Variants in PARN observed in about 807,000 individuals in gnomAD.
The protein encoded by PARN is poly(A)-specific ribonuclease PARN.
Under a neutral mutation model 102.8 loss-of-function variants are expected in PARN, and 71 were observed. The observed-to-expected ratio is 0.69, with a 90% confidence interval of 0.57 to 0.84. The LOEUF is 0.84. Ranked by LOEUF, PARN falls within the 40% of genes least tolerant of loss-of-function variation. The pLI, the probability that PARN is intolerant of heterozygous loss-of-function variation, is 0.00. For synonymous variants in PARN, 261 were observed against 252.9 expected (o/e 1.03, Z -0.30); for missense variants, 782 against 760.9 (o/e 1.03, Z -0.33).
intron 9 of PARN, among the ~76,000 whole-genome samples, chr16:14,606,972 G>A (rs186521360): frequency 1.0e-3 from 154 of 151,860 alleles, no homozygotes; most frequent in Admixed American, 1.6e-3. Context: ...TAGTAGAAAC[G>A]GGGTTTCACC....
intron 10 of PARN, among the ~76,000 whole-genome samples, chr16:14,605,727 A>C (rs1971136559): frequency 6.6e-6 from 1 of 152,144 alleles, no homozygotes. Flanking sequence ...CTGCAGAAGG[A>C]ACCCACCACT....
chr16:14,515,329 T>C (rs1407399145), intron 21 of PARN, among the ~76,000 whole-genome samples: 1 of 152,116 alleles, frequency 6.6e-6, no homozygotes, highest in Non-Finnish European at 1.5e-5. Flanking sequence ...CCACCTCAGG[T>C]AGCAAATTCT....
chr16:14,534,221 G>GAAA (rs1214382920), intron 21 of PARN, among the ~76,000 whole-genome samples: 10 of 59,384 alleles, frequency 1.7e-4, no homozygotes, highest in African/African-American at 6.1e-4. Flanking sequence ...CCCTGTCTCA[G>GAAA]AAAAAAAAAA....
At chr16:14,460,752 T>C (rs1019613733) in intron 22 of PARN, among the ~76,000 whole-genome samples, 1 of 152,230 alleles carries the variant, frequency 6.6e-6, no homozygotes, top group African/African-American at 2.4e-5. Context: ...CTTATGTCTA[T>C]ATAATGATAT....
chr16:14,626,684 T>C (rs1972691466), intron 5 of PARN, among the ~76,000 whole-genome samples: 1 of 151,746 alleles, frequency 6.6e-6, no homozygotes, highest in Non-Finnish European at 1.5e-5. Context: ...TGATCTCGGC[T>C]CACTGCAACC....
chr16:14,613,712 C>A (rs117321360), intron 6 of PARN, among the ~76,000 whole-genome samples: 1 of 152,132 alleles, frequency 6.6e-6, no homozygotes, highest in Non-Finnish European at 1.5e-5. Context: ...ACGATAATTG[C>A]TTAAAGCAAG....
chr16:14,612,924 T>C (rs1199274202), intron 6 of PARN, among the ~76,000 whole-genome samples: 1 of 150,036 alleles, frequency 6.7e-6, no homozygotes, highest in Non-Finnish European at 1.5e-5. Context: ...TCTAAGGGAA[T>C]ACACAAATTA....
chr16:14,448,879 C>T (rs1211964132), intron 22 of PARN, among the ~76,000 whole-genome samples: 1 of 152,110 alleles, frequency 6.6e-6, no homozygotes, highest in Non-Finnish European at 1.5e-5. Context: ...AATTGAGGGA[C>T]TATAAGGGAG....
intron 18 of PARN, among the ~76,000 whole-genome samples, chr16:14,575,863 C>A (rs1042431915): frequency 2.0e-5 from 3 of 152,152 alleles, no homozygotes; most frequent in African/African-American, 7.2e-5. Flanking sequence ...GTAGGAGGAA[C>A]CCGGTGGGAG....
intron 22 of PARN, among the ~76,000 whole-genome samples, chr16:14,464,804 A>G (rs1962225933): frequency 6.6e-6 from 1 of 152,102 alleles, no homozygotes; most frequent in South Asian, 2.1e-4. Context: ...ATTTTTATAC[A>G]TACAAAAGAA....
intron 5 of PARN, among the ~76,000 whole-genome samples, chr16:14,623,346 T>C (rs1972438131): frequency 6.6e-6 from 1 of 151,594 alleles, no homozygotes; most frequent in Non-Finnish European, 1.5e-5. Flanking sequence ...AAACCCCGTC[T>C]CTACTAAAAA....
chr16:14,481,304 A>G (rs1434561470), intron 22 of PARN, among the ~76,000 whole-genome samples: 1 of 152,260 alleles, frequency 6.6e-6, no homozygotes, highest in Non-Finnish European at 1.5e-5. Flanking sequence ...AACGATTAAA[A>G]AACTGCTGAG....
intron 21 of PARN, among the ~76,000 whole-genome samples, chr16:14,492,402 C>T (rs1473589456): frequency 2.6e-5 from 4 of 152,114 alleles, no homozygotes; most frequent in Non-Finnish European, 4.4e-5. Flanking sequence ...CTGGGAGAGC[C>T]GTGAGGTGTT....
Position 14,436,708 on chromosome 16 carries a change from A to G in PARN, c.*9T>C, listed in dbSNP as rs1247425574. 1 of 1,594,666 alleles carries G rather than the reference A, an allele frequency of 6.3e-7. No individual in the cohort carries two copies. Among genetic ancestry groups the G allele is most frequent in the Admixed American group, 1.7e-5 (1 of 57,542 alleles). ...ACAGCACCAGCGGTTTGCTGCCCTC[A>G]GGTCTTGGTTACCATGTGTCAGGAA... On this transcript the variant is annotated 3_prime_UTR_variant, in exon 24 of 24. Transcript: ENST00000437198.
intron 11 of PARN, among the ~76,000 whole-genome samples, chr16:14,602,727 C>A (rs866194693): frequency 6.6e-6 from 1 of 152,104 alleles, no homozygotes; most frequent in Non-Finnish European, 1.5e-5. Flanking sequence ...GGCCAGCTCC[C>A]ACCCCCTTCC....
chr16:14,515,642 A>C (rs1965420187), intron 21 of PARN, among the ~76,000 whole-genome samples: 1 of 152,198 alleles, frequency 6.6e-6, no homozygotes, highest in African/African-American at 2.4e-5. Flanking sequence ...ATAATATATG[A>C]AAGAACATTA....
intron 12 of PARN, among the ~76,000 whole-genome samples, chr16:14,595,369 CACTT>C (rs779848972): frequency 1.1e-4 from 17 of 152,156 alleles, no homozygotes; most frequent in African/African-American, 2.6e-4. Flanking sequence ...AACACACACA[CACTT>C]ATTTATTTAG....
intron 21 of PARN, among the ~76,000 whole-genome samples, chr16:14,484,808 G>C (rs1963569473): frequency 1.3e-5 from 2 of 151,640 alleles, no homozygotes; most frequent in Admixed American, 6.6e-5. Context: ...CTAAAAAACA[G>C]AACAAAACAG....
intron 13 of PARN, among the ~76,000 whole-genome samples, chr16:14,587,660 C>A (rs1300013994): frequency 6.6e-6 from 1 of 152,134 alleles, no homozygotes; most frequent in Non-Finnish European, 1.5e-5. Context: ...TTTCTAATTT[C>A]TTCTCATCAC....
Sources: allele counts gnomAD v4.1 joint callset (sites outside exome capture counted in the v4.1 genomes callset), GRCh38; gene constraint gnomAD v4.1.1; transcripts MANE v1.5; gene names NCBI Gene and HGNC (gene_info 2026-07-23, HGNC 2026-07-21).